CWH43: variants seen among roughly 807,000 people sequenced by gnomAD.
CWH43 encodes cell wall biogenesis 43 C-terminal homolog.
In CWH43, 91 loss-of-function variants were observed where a neutral mutation model predicts 85.7. The ratio of observed to expected loss-of-function variants is 1.06; its 90% confidence interval spans 0.90 to 1.26. The LOEUF (loss-of-function observed/expected upper bound fraction) is 1.26. Among genes scored for constraint, CWH43 ranks in the 50% most tolerant of loss-of-function variants. The pLI is 0.00. For missense variants in CWH43, 869 were observed against 839.2 expected (o/e 1.04, Z -0.44); for synonymous variants, 323 against 293.6 (o/e 1.10, Z -1.02).
intron 2 of CWH43, among the ~76,000 whole-genome samples, chr4:48,989,944 C>T (rs1782607562): frequency 6.6e-6 from 1 of 152,190 alleles, no homozygotes; most frequent in South Asian, 2.1e-4. Flanking sequence ...CTTACATGAA[C>T]CACCGTAGCT....
At chr4:49,040,708 A>G (rs1453014752) in intron 13 of CWH43, among the ~76,000 whole-genome samples, 3 of 152,088 alleles carry the variant, frequency 2.0e-5, no homozygotes, top group Non-Finnish European at 4.4e-5. Flanking sequence ...GTTCACTCTG[A>G]TGGTAGTTTC....
intron 2 of CWH43, 44 bp from the exon 3 acceptor site, chr4:48,991,410 C>G (rs754788295): frequency 6.2e-7 from 1 of 1,610,180 alleles, no homozygotes; most frequent in Non-Finnish European, 8.5e-7. Flanking sequence ...GAGTTCCAAT[C>G]CATACTTGCC....
Position 49,061,871 on chromosome 4 carries a change from C to T in CWH43, c.2081C>T (p.Thr694Ile). 7.3e-7 allele frequency: 1 copy of T among 1,375,734 alleles called. No homozygotes were observed. Among genetic ancestry groups the T allele is most frequent in the Non-Finnish European group, 9.7e-7 (1 of 1,035,708 alleles). 85.2% of individuals were successfully genotyped at this position (1,375,734 alleles called of 1,614,324 possible). The part of the protein sequence containing the change: ...YENNHHFHMN[T>I]PKYFL ...AACAACCATCATTTTCATATGAATA[C>T]TCCCAAATACTTTTTATGAAACATT... The change falls in exon 16 of 16, where the codon ACT becomes ATT. Residue 694 changes from threonine (T) to isoleucine (I), a missense_variant. Physicochemically the swap from Thr to Ile is moderately conservative, Grantham distance 89. Coordinates refer to ENST00000226432, the MANE Select transcript of CWH43 (RefSeq NM_025087.3).
intron 14 of CWH43, among the ~76,000 whole-genome samples, chr4:49,047,101 AG>A (rs1180311794): frequency 1.3e-5 from 2 of 152,194 alleles, no homozygotes; most frequent in African/African-American, 4.8e-5. Flanking sequence ...GATCTCTTTA[AG>A]TAACCTTATC....
chr4:49,057,199 G>A (rs1194112715), intron 15 of CWH43, among the ~76,000 whole-genome samples: 1 of 152,172 alleles, frequency 6.6e-6, no homozygotes, highest in Non-Finnish European at 1.5e-5. Context: ...AGGTCCTGAC[G>A]ACATGTGCCT....
intron 8 of CWH43, among the ~76,000 whole-genome samples, chr4:49,012,162 T>A (rs1236986142): frequency 6.6e-6 from 1 of 152,216 alleles, no homozygotes; most frequent in Non-Finnish European, 1.5e-5. Context: ...CTTGGAGGAT[T>A]TGTTCATTTC....
At position 49,039,320 on chromosome 4, in the gene CWH43, T is replaced by TATATATATATACTG. The variant is rs1553916934; in HGVS notation, c.1803+1151_1803+1152insCTGATATATATATA. ...CTCAGGAGACTGATATATATATATA[T>TATATATATATACTG]ATATATATATATACTGATGTATATA... On this transcript the variant is annotated intron_variant, in intron 13 of 15. Coordinates refer to ENST00000226432, the MANE Select transcript of CWH43 (RefSeq NM_025087.3). Among the ~76,000 whole-genome samples the TATATATATATACTG allele has an allele frequency of 2.0e-3, 61 of 30,234 alleles. 15 individuals are homozygous for TATATATATATACTG. The highest frequency in any genetic ancestry group is 4.1e-3 in the Non-Finnish European group (49 of 11,862). The allele number at this position is 30,234 out of a possible 152,430, so 19.8% of individuals were successfully genotyped here.
intron 13 of CWH43, among the ~76,000 whole-genome samples, chr4:49,039,415 T>A (rs1784385587): frequency 7.6e-6 from 1 of 131,260 alleles, no homozygotes; most frequent in African/African-American, 2.9e-5. Flanking sequence ...ATATATATAC[T>A]GATATATATA....
Position 49,021,388 on chromosome 4 carries a change from T to C in CWH43, c.1266+4060T>C, listed in dbSNP as rs139725110. ...AATCATTTGGCTTATTTCTGGGTTC[T>C]CTACTCTGTTCCATTGGTCTATATG... On this transcript the variant is annotated intron_variant, in intron 9 of 15. Coordinates refer to ENST00000226432, the MANE Select transcript of CWH43 (RefSeq NM_025087.3). 9.6e-3 allele frequency among the ~76,000 whole-genome samples: 1,465 copies of C among 152,328 alleles called. 11 individuals are homozygous for C. Among genetic ancestry groups the C allele is most frequent in the South Asian group, 0.018 (87 of 4,832 alleles).
chr4:49,043,662 T>A (rs560720536), intron 13 of CWH43, among the ~76,000 whole-genome samples: 2 of 152,254 alleles, frequency 1.3e-5, no homozygotes, highest in South Asian at 4.1e-4. Context: ...TCTTTATTTT[T>A]AAAATTTTTT....
chr4:49,031,010 C>T (rs1784079915), intron 11 of CWH43, 50 bp downstream of exon 11: 1 of 1,497,542 alleles, frequency 6.7e-7, no homozygotes. Flanking sequence ...AAAGGCTAGG[C>T]TGCATAGGCT....
chr4:49,036,742 A>G (rs1300756030), intron 12 of CWH43, among the ~76,000 whole-genome samples: 2 of 152,160 alleles, frequency 1.3e-5, no homozygotes, highest in Non-Finnish European at 2.9e-5. Context: ...AGGTTTAGCC[A>G]ATGGGAGGCA....
At position 48,994,792 on chromosome 4, in the gene CWH43, C is replaced by T; in HGVS notation, c.685C>T (p.His229Tyr). Reference protein sequence around the residue: ...VSRWAVSGHPHPGPDPNPFGG... With the variant: ...VSRWAVSGHPYPGPDPNPFGG... Reference sequence around the variant, plus strand: ...CAGATGGGCAGTGAGTGGGCATCCACATCCAGGGCCAGATCCTAACCCATT... The same window carrying T: ...CAGATGGGCAGTGAGTGGGCATCCATATCCAGGGCCAGATCCTAACCCATT... Residue 229 changes from histidine to tyrosine, a missense_variant, in exon 5 of 16, where the codon CAT becomes TAT. By Grantham distance (83) the His-to-Tyr change is moderately conservative. Around this residue, in one of 3 missense-constraint regions of CWH43, gnomAD observed 152 missense variants for 203.6 expected, o/e 0.75. Coordinates refer to ENST00000226432, the MANE Select transcript of CWH43 (RefSeq NM_025087.3). 1 of 1,613,920 alleles carries T rather than the reference C, an allele frequency of 6.2e-7. No individual in the cohort carries two copies. Among genetic ancestry groups the T allele is most frequent in the Non-Finnish European group, 8.5e-7 (1 of 1,180,018 alleles).
At chr4:49,044,700 A>G in intron 13 of CWH43, 86 bp from the exon 14 acceptor site, 2 of 976,778 alleles carry the variant, frequency 2.0e-6, no homozygotes, top group Non-Finnish European at 1.6e-6. Context: ...AGAGATATTT[A>G]TCATGTAGCT....
chr4:48,996,298 TAC>T (rs36210509), intron 5 of CWH43, among the ~76,000 whole-genome samples: 5,049 of 149,860 alleles, frequency 0.034, 123 homozygotes, highest in African/African-American at 0.073. Flanking sequence ...TATATATGTG[TAC>T]ACACACACAC....
At chr4:49,048,934 A>T (rs1186855258) in intron 14 of CWH43, among the ~76,000 whole-genome samples, 1 of 152,168 alleles carries the variant, frequency 6.6e-6, no homozygotes, top group Non-Finnish European at 1.5e-5. Flanking sequence ...ACCAAATTCA[A>T]TGCCCTACAT....
intron 9 of CWH43, among the ~76,000 whole-genome samples, chr4:49,027,885 G>T (rs556408755): frequency 2.2e-4 from 34 of 152,208 alleles, no homozygotes; most frequent in Non-Finnish European, 4.1e-4. Context: ...GTTGGGCAGC[G>T]CATTATCTGA....
chr4:49,040,418 A>C (rs1268178149), intron 13 of CWH43, among the ~76,000 whole-genome samples: 1 of 152,064 alleles, frequency 6.6e-6, no homozygotes, highest in Non-Finnish European at 1.5e-5. Flanking sequence ...TCGTTTCCTG[A>C]CTTTTTAATG....
chr4:48,997,085 G>C (rs1332340862), intron 5 of CWH43, among the ~76,000 whole-genome samples: 1 of 152,174 alleles, frequency 6.6e-6, no homozygotes, highest in Non-Finnish European at 1.5e-5. Flanking sequence ...TTTGAACATG[G>C]AATTCTTCTT....
Sources: allele counts gnomAD v4.1 joint callset (sites outside exome capture counted in the v4.1 genomes callset), GRCh38; gene constraint gnomAD v4.1.1; regional missense constraint gnomAD v4.1.1; transcripts MANE v1.5; gene names NCBI Gene and HGNC (gene_info 2026-07-23, HGNC 2026-07-21).